The following FARP2 variants were observed in gnomAD, a reference collection of about 807,000 sequenced individuals.
FARP2 encodes the protein FERM, ARH/RhoGEF and pleckstrin domain protein 2, also known as FERM, ARHGEF and pleckstrin domain-containing protein 2.
A neutral mutation model predicts 130.5 loss-of-function variants in FARP2; 111 were observed. The ratio of observed to expected loss-of-function variants is 0.85; its 90% confidence interval spans 0.73 to 1.00. The LOEUF is 1.00. FARP2 is among the 50% of genes least tolerant of loss of function. The pLI is 0.00. For synonymous variants in FARP2, 504 were observed against 516.9 expected (o/e 0.98, Z 0.34); for missense variants, 1,385 against 1,346.3 (o/e 1.03, Z -0.45).
chr2:241,457,356 G>C (rs1014951577), intron 14 of FARP2, among the ~76,000 whole-genome samples: 14 of 148,944 alleles, frequency 9.4e-5, no homozygotes, highest in African/African-American at 3.3e-4. Flanking sequence ...TGGGAGGAAA[G>C]ATCTGGGTGC....
At chr2:241,403,973 C>A in intron 3 of FARP2, 41 bp downstream of exon 3, 1 of 1,119,570 alleles carries the variant, frequency 8.9e-7, no homozygotes, top group Non-Finnish European at 1.4e-6. Flanking sequence ...GCCTTTGGGC[C>A]TGCTGTGATG....
intron 1 of FARP2, among the ~76,000 whole-genome samples, chr2:241,362,051 C>A (rs1016026314): frequency 6.6e-6 from 1 of 151,832 alleles, no homozygotes; most frequent in African/African-American, 2.4e-5. Flanking sequence ...CACGCCACCA[C>A]GCCCAGCCAA....
In FARP2 at chr2:241,454,081, G is replaced by T. The variant is rs117535520; in HGVS notation, c.1412-2666G>T. On this transcript the variant is annotated intron_variant, in intron 13 of 26. Coordinates refer to ENST00000264042, the MANE Select transcript of FARP2 (RefSeq NM_014808.4). ...TTATAGCCATGAGTCACCGCACCCG[G>T]CCAGGAGTGGCCCTTTCTAATTTAC... is the stretch of plus-strand genomic sequence containing the variant. Among the ~76,000 whole-genome samples the T allele has an allele frequency of 2.9e-4, 44 of 152,170 alleles. No individual in the cohort carries two copies. The East Asian group carries it at 8.3e-3, about 29-fold the overall frequency.
intron 7 of FARP2, among the ~76,000 whole-genome samples, chr2:241,416,779 C>T (rs144020062): frequency 6.6e-6 from 1 of 152,174 alleles, no homozygotes; most frequent in East Asian, 1.9e-4. Context: ...TGTGGTGGTG[C>T]GTGCCTGTGG....
chr2:241,374,036 G>A (rs1337128272), intron 2 of FARP2, among the ~76,000 whole-genome samples: 2 of 150,564 alleles, frequency 1.3e-5, no homozygotes, highest in Non-Finnish European at 3.0e-5. Flanking sequence ...TTTGAGAAAG[G>A]GTGTTGTTCT....
At chr2:241,370,182 G>C (rs1332406624) in intron 1 of FARP2, among the ~76,000 whole-genome samples, 1 of 152,100 alleles carries the variant, frequency 6.6e-6, no homozygotes, top group Non-Finnish European at 1.5e-5. Context: ...GAGTGGATTT[G>C]GAATGTTCCC....
At chr2:241,441,005 T>TA (rs1418592411) in intron 12 of FARP2, among the ~76,000 whole-genome samples, 4 of 151,268 alleles carry the variant, frequency 2.6e-5, no homozygotes, top group Non-Finnish European at 5.9e-5. Context: ...ACCCTGTCTC[T>TA]AAAAAAATTA....
intron 5 of FARP2, among the ~76,000 whole-genome samples, chr2:241,409,055 G>GATAC (rs746278654): frequency 5.1e-4 from 78 of 151,802 alleles, no homozygotes; most frequent in Admixed American, 9.9e-4. Flanking sequence ...TAGATAGATA[G>GATAC]ATAGATAGAT....
At chr2:241,466,991 A>T (rs2064190399) in intron 17 of FARP2, among the ~76,000 whole-genome samples, 2 of 152,080 alleles carry the variant, frequency 1.3e-5, no homozygotes, top group African/African-American at 4.8e-5. Flanking sequence ...GCAGTGGCTC[A>T]TGCCTGTAAT....
intron 6 of FARP2, among the ~76,000 whole-genome samples, chr2:241,412,232 C>T (rs531399068): frequency 3.9e-5 from 6 of 152,232 alleles, no homozygotes; most frequent in African/African-American, 1.4e-4. Context: ...ATCATCAGAT[C>T]TCATGAAAGT....
chr2:241,367,608 C>A (rs970765616), intron 1 of FARP2, among the ~76,000 whole-genome samples: 2 of 152,098 alleles, frequency 1.3e-5, no homozygotes, highest in African/African-American at 4.8e-5. Flanking sequence ...ATATTAAGTT[C>A]ATATTCTGGT....
At chr2:241,441,638 C>G (rs746171653) in intron 13 of FARP2, 82 bp downstream of exon 13, 28 of 1,588,632 alleles carry the variant, frequency 1.8e-5, no homozygotes, top group East Asian at 8.9e-5. Flanking sequence ...GACCTAGACA[C>G]AGGGAGGGCC....
chr2:241,422,402 C>G (rs1216848770), intron 8 of FARP2, among the ~76,000 whole-genome samples: 2 of 136,284 alleles, frequency 1.5e-5, no homozygotes, highest in East Asian at 4.2e-4. Context: ...GACCCTGTAT[C>G]AAAAAAAAAA....
chr2:241,466,010 C>T, intron 17 of FARP2: 5 of 1,352,854 alleles, frequency 3.7e-6, no homozygotes, highest in Non-Finnish European at 4.8e-6. Flanking sequence ...TTGAAATATA[C>T]ACAAATCTGT....
chr2:241,406,641 G>A (rs949283384), intron 4 of FARP2, among the ~76,000 whole-genome samples: 2 of 151,626 alleles, frequency 1.3e-5, no homozygotes, highest in African/African-American at 4.8e-5. Flanking sequence ...GGGGAGAGGG[G>A]CGGGTAGAGA....
intron 16 of FARP2, 192 bp downstream of exon 16, chr2:241,463,660 A>G (rs1175882010): frequency 1.1e-5 from 8 of 719,214 alleles, no homozygotes; most frequent in Non-Finnish European, 1.8e-5. Context: ...AAGAGAGTGC[A>G]AGGAGCAAGT....
At chr2:241,466,727 G>C in intron 17 of FARP2, 1 of 458,590 alleles carries the variant, frequency 2.2e-6, no homozygotes, top group Non-Finnish European at 2.8e-6. Flanking sequence ...CCCTCCTAGG[G>C]GCTTCCAGAG....
chr2:241,494,209 T>G lies in FARP2; in HGVS notation c.*84T>G. 1.2e-6 allele frequency: 1 copy of G among 803,156 alleles called. No homozygotes were observed. The highest frequency in any genetic ancestry group is 3.0e-5 in the South Asian group (1 of 33,512). The allele number at this position is 803,156 out of a possible 1,614,324, so 49.8% of individuals were successfully genotyped here. On this transcript the variant is annotated 3_prime_UTR_variant, in exon 27 of 27. Coordinates refer to ENST00000264042, the MANE Select transcript of FARP2 (RefSeq NM_014808.4). This position sits in a 1 kb window ranked among gnomAD's most constrained non-coding sequence, Gnocchi z 4.9. The stretch of plus-strand genomic sequence containing the variant: ...CTCTGTCCTGAGGCTTCTCAACAGA[T>G]GGGAAGTGGCTGTGGTCTCACTGGA...
At chr2:241,385,547 CT>C (rs1575485188) in intron 2 of FARP2, among the ~76,000 whole-genome samples, 1 of 152,160 alleles carries the variant, frequency 6.6e-6, no homozygotes, top group East Asian at 1.9e-4. Flanking sequence ...CATAGCGAAA[CT>C]GTCTCTACTA....
Sources: allele counts gnomAD v4.1 joint callset (sites outside exome capture counted in the v4.1 genomes callset), GRCh38; gene constraint gnomAD v4.1.1; non-coding constraint Gnocchi (gnomAD v3.1); transcripts MANE v1.5; gene names NCBI Gene and HGNC (gene_info 2026-07-23, HGNC 2026-07-21).